Variants in IQCM observed in about 807,000 individuals in gnomAD.
The protein encoded by IQCM is IQ domain-containing protein M.
Under a neutral mutation model 57.6 loss-of-function variants are expected in IQCM, and 45 were observed. The ratio of observed to expected loss-of-function variants is 0.78; its 90% CI spans 0.62 to 1.00. IQCM has a LOEUF of 1.00. Ranked by LOEUF, IQCM falls within the 50% of genes least tolerant of loss-of-function variation. The probability of loss-of-function intolerance (pLI) is 0.00; values close to 1 mark genes in which losing one functional copy is unlikely to be tolerated. For synonymous variants in IQCM, 148 were observed against 158.9 expected (o/e 0.93, Z 0.51); for missense variants, 468 against 511.6 (o/e 0.91, Z 0.82).
intron 7 of IQCM, among the ~76,000 whole-genome samples, chr4:149,670,967 C>A (rs1761218423): frequency 6.7e-6 from 1 of 148,366 alleles, no homozygotes; most frequent in African/African-American, 2.5e-5. Flanking sequence ...TGTGTCTCTG[C>A]CAGGCTTTGG....
chr4:149,590,377 C>T (rs1753039070), intron 8 of IQCM, among the ~76,000 whole-genome samples: 1 of 150,176 alleles, frequency 6.7e-6, no homozygotes, highest in South Asian at 2.1e-4. Flanking sequence ...GTCTATTCTG[C>T]CTTGATGTTT....
At chr4:149,590,756 C>T (rs1753078866) in intron 8 of IQCM, among the ~76,000 whole-genome samples, 2 of 152,036 alleles carry the variant, frequency 1.3e-5, no homozygotes, top group South Asian at 2.1e-4. Flanking sequence ...GCAGCTTCAT[C>T]CATGTCCCTG....
chr4:149,593,262 GT>G (rs1417761090), intron 8 of IQCM, among the ~76,000 whole-genome samples: 2 of 152,080 alleles, frequency 1.3e-5, no homozygotes, highest in African/African-American at 4.8e-5. Flanking sequence ...CTGTTTGTCT[GT>G]TATTGGTGTA....
At chr4:149,354,137 G>T (rs1489798833) in intron 13 of IQCM, among the ~76,000 whole-genome samples, 1 of 151,466 alleles carries the variant, frequency 6.6e-6, no homozygotes, top group African/African-American at 2.4e-5. Context: ...GGCCGAGGCG[G>T]GTGGATCACG....
intron 5 of IQCM, among the ~76,000 whole-genome samples, chr4:149,719,544 T>C (rs2149850689): frequency 6.6e-6 from 1 of 152,288 alleles, no homozygotes; most frequent in South Asian, 2.1e-4. Flanking sequence ...AGGAATTCAC[T>C]GATTCACATA....
rs375105874 is a variant in IQCM at position 149,521,308 on chromosome 4, G to A, written c.1228+27147C>T. Among the ~76,000 whole-genome samples, 9 of 152,244 alleles carry A rather than the reference G, an allele frequency of 5.9e-5. No individual in the cohort carries two copies. In the East Asian group the frequency reaches 1.2e-3, roughly 20 times the overall value. On this transcript the variant is annotated intron_variant, in intron 12 of 13. Coordinates refer to ENST00000636793, the MANE Select transcript of IQCM (RefSeq NM_001363507.2). Reference sequence around the variant, plus strand: ...GAAAGGAAAAAAGGAAGGAAGGGAGGAAGTCAAGGCAAGGTAAGCGGAAGG... The same window carrying A: ...GAAAGGAAAAAAGGAAGGAAGGGAGAAAGTCAAGGCAAGGTAAGCGGAAGG...
At chr4:149,606,765 G>A (rs1324754773) in intron 8 of IQCM, among the ~76,000 whole-genome samples, 1 of 152,042 alleles carries the variant, frequency 6.6e-6, no homozygotes, top group Non-Finnish European at 1.5e-5. Flanking sequence ...AAATTCAATT[G>A]ACAAACTGAA....
chr4:149,464,214 G>A (rs765696678), intron 12 of IQCM, among the ~76,000 whole-genome samples: 2 of 152,152 alleles, frequency 1.3e-5, no homozygotes, highest in African/African-American at 4.8e-5. Flanking sequence ...GGGTTGTGCT[G>A]TGTACCACAT....
At chr4:149,667,616 T>C (rs954714285) in intron 7 of IQCM, among the ~76,000 whole-genome samples, 1 of 151,920 alleles carries the variant, frequency 6.6e-6, no homozygotes, top group Non-Finnish European at 1.5e-5. Context: ...AGAAGGCGGG[T>C]AATAACAAAC....
At chr4:149,442,271 A>G (rs1736016687) in intron 12 of IQCM, among the ~76,000 whole-genome samples, 1 of 152,072 alleles carries the variant, frequency 6.6e-6, no homozygotes, top group Non-Finnish European at 1.5e-5. Flanking sequence ...TGCTTTCCTG[A>G]CAGTGAATCT....
At chr4:149,566,502 G>A (rs552070261) in intron 9 of IQCM, among the ~76,000 whole-genome samples, 1 of 152,226 alleles carries the variant, frequency 6.6e-6, no homozygotes, top group South Asian at 2.1e-4. Context: ...GTGTGCGTGT[G>A]TGTACACATG....
intron 12 of IQCM, among the ~76,000 whole-genome samples, chr4:149,494,389 G>T (rs1742431388): frequency 6.6e-6 from 1 of 152,070 alleles, no homozygotes; most frequent in African/African-American, 2.4e-5. Context: ...TCAAAGCTCT[G>T]ATCTTTTGTT....
At chr4:149,728,339 G>A (rs1429101805) in intron 5 of IQCM, among the ~76,000 whole-genome samples, 1 of 152,126 alleles carries the variant, frequency 6.6e-6, no homozygotes, top group African/African-American at 2.4e-5. Context: ...TACTTGTGAT[G>A]TACTCTCAAT....
intron 12 of IQCM, among the ~76,000 whole-genome samples, chr4:149,538,125 C>T (rs994684956): frequency 6.6e-6 from 1 of 151,040 alleles, no homozygotes; most frequent in Non-Finnish European, 1.5e-5. Context: ...AAGATATCTG[C>T]AAATGTCTTC....
chr4:149,704,531 G>GT (rs1764013313), intron 5 of IQCM, among the ~76,000 whole-genome samples: 1 of 151,710 alleles, frequency 6.6e-6, no homozygotes, highest in African/African-American at 2.4e-5. Context: ...TACAGAAAAC[G>GT]TTTTCTGACC....
intron 7 of IQCM, among the ~76,000 whole-genome samples, chr4:149,673,895 T>C (rs1761527051): frequency 6.6e-6 from 1 of 151,992 alleles, no homozygotes; most frequent in Non-Finnish European, 1.5e-5. Flanking sequence ...CCTAGGAGAG[T>C]TCTAGGCCAC....
At chr4:149,422,894 A>C (rs1189694524) in intron 13 of IQCM, among the ~76,000 whole-genome samples, 1 of 152,032 alleles carries the variant, frequency 6.6e-6, no homozygotes, top group African/African-American at 2.4e-5. Flanking sequence ...AATAATAAAA[A>C]GTGGTTATAT....
intron 7 of IQCM, among the ~76,000 whole-genome samples, chr4:149,656,412 C>T (rs917612749): frequency 1.3e-5 from 2 of 151,896 alleles, no homozygotes; most frequent in African/African-American, 2.4e-5. Context: ...TGATGACAAT[C>T]GAATTTTGGG....
chr4:149,753,805 A>G (rs1768700745), intron 2 of IQCM, among the ~76,000 whole-genome samples: 1 of 123,142 alleles, frequency 8.1e-6, no homozygotes, highest in Admixed American at 9.7e-5. Context: ...CAACATGTGT[A>G]TAAAGGAAGC....
Sources: gnomAD v4.1 joint callset for allele counts (sites outside exome capture counted in the v4.1 genomes callset) on GRCh38, gnomAD v4.1.1 for gene constraint, MANE v1.5 for transcripts, NCBI Gene and HGNC (gene_info 2026-07-23, HGNC 2026-07-21) for gene names.